The following MTA1 variants were observed in gnomAD, a reference collection of about 807,000 sequenced individuals.
MTA1 encodes metastasis-associated protein MTA1.
A neutral mutation model predicts 97.0 loss-of-function variants in MTA1; 15 were observed. The ratio of observed to expected loss-of-function variants is 0.15; its 90% CI spans 0.10 to 0.24. MTA1 has a LOEUF of 0.24. MTA1 is among the 10% of genes least tolerant of loss of function. The pLI, the probability that MTA1 is intolerant of heterozygous loss-of-function variation, is 1.00. For missense variants in MTA1, 709 were observed against 1,015.1 expected (o/e 0.70, Z 4.10); for synonymous variants, 435 against 417.5 (o/e 1.04, Z -0.51).
chr14:105,456,795 G>A (rs781921444), intron 7 of MTA1, among the ~76,000 whole-genome samples: 1 of 152,186 alleles, frequency 6.6e-6, no homozygotes, highest in Non-Finnish European at 1.5e-5. Flanking sequence ...CCCTGAGCCA[G>A]GTGAGGAGTC....
intron 1 of MTA1, among the ~76,000 whole-genome samples, chr14:105,432,227 T>A (rs1236273295): frequency 1.3e-5 from 2 of 152,078 alleles, no homozygotes; most frequent in African/African-American, 2.4e-5. Context: ...ATTGCTTTTT[T>A]ATTTTTATTT....
In MTA1 at chr14:105,458,309, A is replaced by G; in HGVS notation, c.590A>G (p.Gln197Arg). The G allele has an allele frequency of 6.2e-7, 1 of 1,612,726 alleles. No individual in the cohort carries two copies. Among genetic ancestry groups the G allele is most frequent in the Non-Finnish European group, 8.5e-7 (1 of 1,179,926 alleles). ...CGAGACCAGTCCAGGTTGGAGACCCAGGTGTGGGAGGCGCACAACCCACTC... is the reference window on the plus strand; with the variant it reads ...CGAGACCAGTCCAGGTTGGAGACCCGGGTGTGGGAGGCGCACAACCCACTC... ...DGRDQSRLET[Q>R]VWEAHNPLTD... The change falls in exon 8 of 21, where the codon CAG (glutamine) becomes CGG (arginine). Residue 197 changes from glutamine (Q) to arginine (R), a missense_variant. Around this residue, in one of 2 missense-constraint regions of MTA1, gnomAD observed 321 missense variants for 593.5 expected, o/e 0.54. Transcript: ENST00000331320.
At chr14:105,452,162 G>T (rs1418714766) in intron 6 of MTA1, among the ~76,000 whole-genome samples, 1 of 152,208 alleles carries the variant, frequency 6.6e-6, no homozygotes, top group African/African-American at 2.4e-5. Context: ...ACAGGCTCAG[G>T]GTGAGTACAC....
At chr14:105,465,305 C>T in intron 16 of MTA1, 122 bp downstream of exon 16, 1 of 825,768 alleles carries the variant, frequency 1.2e-6, no homozygotes, top group Non-Finnish European at 1.8e-6. Context: ...CCCCCAGGGC[C>T]TGGAACTGTC....
At chr14:105,466,042 T>C (rs782120939) in intron 16 of MTA1, 6 of 234,690 alleles carry the variant, frequency 2.6e-5, no homozygotes, top group Non-Finnish European at 5.0e-5. Context: ...GTTCGCTGTC[T>C]GACGAGCAGC....
chr14:105,468,868 C>G (rs1158904814), intron 18 of MTA1: 1 of 278,248 alleles, frequency 3.6e-6, no homozygotes, highest in Non-Finnish European at 7.2e-6. Context: ...AGCATGGACC[C>G]CGCTTCTTGG....
chr14:105,463,072 C>G lies in MTA1; in HGVS notation c.943-112C>G. 1.9e-6 allele frequency: 2 copies of G among 1,079,338 alleles called. No individual in the cohort carries two copies. Among genetic ancestry groups the G allele is most frequent in the Non-Finnish European group, 2.8e-6 (2 of 723,796 alleles). 66.9% of individuals were successfully genotyped at this position (1,079,338 alleles called of 1,614,324 possible). ...CTCCGTGCACCAAGCACACCTCGCCCTCTGGCCTCCCGCCCCCTCTGTGGC... is the reference window on the plus strand; with the variant it reads ...CTCCGTGCACCAAGCACACCTCGCCGTCTGGCCTCCCGCCCCCTCTGTGGC... On this transcript the variant is annotated intron_variant, in intron 10 of 20. Transcript: ENST00000331320. This position sits in a 1 kb window ranked among gnomAD's most constrained non-coding sequence, Gnocchi z 5.9.
chr14:105,437,815 C>T (rs1474936742), intron 1 of MTA1, among the ~76,000 whole-genome samples: 2 of 152,226 alleles, frequency 1.3e-5, no homozygotes, highest in East Asian at 3.8e-4. Flanking sequence ...GCCTCCCAAG[C>T]TGAGCCCCTG....
chr14:105,443,818 C>T (rs1325639019), intron 2 of MTA1, among the ~76,000 whole-genome samples: 6 of 152,138 alleles, frequency 3.9e-5, no homozygotes, highest in South Asian at 2.1e-4. Context: ...TGGCTGGGTG[C>T]GGTGGCTCAT....
Position 105,463,812 on chromosome 14 carries a change from G to T in MTA1, c.1077-220G>T. 1.6e-6 allele frequency: 1 copy of T among 634,256 alleles called. No homozygotes were observed. The highest frequency in any genetic ancestry group is 2.8e-6 in the Non-Finnish European group (1 of 358,380). 39.3% of individuals were successfully genotyped at this position (634,256 alleles called of 1,614,324 possible). Reference sequence around the variant, plus strand: ...CGCCAGGGTTCAGTCCCTGAGCTGGGCTCCATGCTAGGGGGAGCACGGGGG... The same window carrying T: ...CGCCAGGGTTCAGTCCCTGAGCTGGTCTCCATGCTAGGGGGAGCACGGGGG... On this transcript the variant is annotated intron_variant, in intron 12 of 20. Coordinates refer to ENST00000331320, the MANE Select transcript of MTA1 (RefSeq NM_004689.4). This position sits in a 1 kb window ranked among gnomAD's most constrained non-coding sequence, Gnocchi z 5.9.
In MTA1 at chr14:105,443,946, G is replaced by A. The variant is rs587749774; in HGVS notation, c.97-1472G>A. On this transcript the variant is annotated intron_variant, in intron 2 of 20. Transcript: ENST00000331320. Reference sequence around the variant, plus strand: ...TCTACTAAAAATACAAAAATGAGCCGGTGTGGTGGTGGGTGCCTATAGTTC... The same window carrying A: ...TCTACTAAAAATACAAAAATGAGCCAGTGTGGTGGTGGGTGCCTATAGTTC... Among the ~76,000 whole-genome samples, 32 of 152,116 alleles carry A rather than the reference G, an allele frequency of 2.1e-4. 2 individuals carry two copies. In the East Asian group the frequency reaches 6.2e-3, roughly 29 times the overall value.
chr14:105,429,322 G>A (rs1348796155), intron 1 of MTA1, among the ~76,000 whole-genome samples: 3 of 152,190 alleles, frequency 2.0e-5, no homozygotes, highest in Non-Finnish European at 4.4e-5. Context: ...GTCTTGCTCT[G>A]TCGCCCAGGC....
intron 2 of MTA1, among the ~76,000 whole-genome samples, chr14:105,439,206 G>C (rs2082425097): frequency 7.7e-6 from 1 of 129,638 alleles, no homozygotes. Flanking sequence ...GGTCACTCAG[G>C]CAGCCCTGCA....
rs1555433797 is a variant in MTA1 at position 105,469,505 on chromosome 14, G to C, written c.1845+7G>C. The C allele has an allele frequency of 6.2e-7, 1 of 1,612,502 alleles. No individual in the cohort carries two copies. The highest frequency in any genetic ancestry group is 1.3e-5 in the African/African-American group (1 of 74,922). On this transcript the variant is annotated splice_region_variant and intron_variant, in intron 19 of 20. Transcript: ENST00000331320. The stretch of plus-strand genomic sequence containing the variant: ...CGGACAGGCCAGGCACATGGTAAGA[G>C]GAACAACCCATGATGGGGTACGGTG...
At chr14:105,457,743 T>A (rs961597962) in intron 7 of MTA1, among the ~76,000 whole-genome samples, 3 of 152,120 alleles carry the variant, frequency 2.0e-5, no homozygotes, top group Non-Finnish European at 1.5e-5. Context: ...CTGGGCAACA[T>A]GGTGAAACCC....
At chr14:105,438,861 A>G in intron 2 of MTA1, 122 bp downstream of exon 2, 5 of 945,682 alleles carry the variant, frequency 5.3e-6, no homozygotes, top group Admixed American at 2.1e-5. Flanking sequence ...TGGCCACTGC[A>G]CAGGCCCTTC....
At chr14:105,461,007 A>G in intron 10 of MTA1, 54 bp downstream of exon 10, 2 of 1,556,098 alleles carry the variant, frequency 1.3e-6, no homozygotes, top group South Asian at 2.5e-5. Context: ...ATCTCCAGGT[A>G]GGCTGCGGGG....
intron 4 of MTA1, among the ~76,000 whole-genome samples, chr14:105,449,830 C>T (rs1555428128): frequency 6.6e-6 from 1 of 152,190 alleles, no homozygotes; most frequent in Non-Finnish European, 1.5e-5. Flanking sequence ...CTTTAGGGTG[C>T]CTGGACTTAA....
At chr14:105,434,372 A>G (rs587756145) in intron 1 of MTA1, among the ~76,000 whole-genome samples, 1 of 152,316 alleles carries the variant, frequency 6.6e-6, no homozygotes, top group African/African-American at 2.4e-5. Flanking sequence ...TTGATCTTTA[A>G]ACATCTATAG....
Sources: allele counts gnomAD v4.1 joint callset (sites outside exome capture counted in the v4.1 genomes callset), GRCh38; gene constraint gnomAD v4.1.1; regional missense constraint gnomAD v4.1.1; non-coding constraint Gnocchi (gnomAD v3.1); transcripts MANE v1.5; gene names NCBI Gene and HGNC (gene_info 2026-07-23, HGNC 2026-07-21).